The following IGF1 variants were observed in gnomAD, a reference collection of about 807,000 sequenced individuals.
IGF1 encodes insulin like growth factor 1, also known as insulin-like growth factor 1.
IGF1 carries 4 observed loss-of-function variants against 13.8 expected under a neutral mutation model. The observed-to-expected ratio is 0.29, with a 90% CI of 0.14 to 0.66. The LOEUF is 0.66. Ranked by LOEUF, IGF1 falls within the 30% of genes least tolerant of loss-of-function variation. The probability of loss-of-function intolerance (pLI) is 0.78; values close to 1 mark genes in which losing one functional copy is unlikely to be tolerated. For missense variants in IGF1, 124 were observed against 188.5 expected, an observed-to-expected ratio of 0.66 and a Z score of 2.00; for synonymous variants, 76 against 72.6, an observed-to-expected ratio of 1.05 and a Z score of -0.23.
chr12:102,475,615 C>G lies in IGF1; in HGVS notation c.220+28G>C, dbSNP rs368847888. Reference sequence around the variant, plus strand: ...CAGAGCTGTACACTTTAGACTTGAGCAGCACATTGAGAGGGAGGGCTACTT... The same window carrying G: ...CAGAGCTGTACACTTTAGACTTGAGGAGCACATTGAGAGGGAGGGCTACTT... On this transcript the variant is annotated intron_variant, in intron 2 of 3. Coordinates refer to ENST00000337514, the MANE Select transcript of IGF1 (RefSeq NM_000618.5). 2.6e-4 allele frequency: 422 copies of G among 1,613,094 alleles called. 1 individual carries two copies. In the African/African-American group the frequency reaches 3.1e-3, roughly 12 times the overall value.
intron 2 of IGF1, among the ~76,000 whole-genome samples, chr12:102,455,251 A>C (rs965164016): frequency 6.6e-5 from 10 of 152,260 alleles, no homozygotes; most frequent in Non-Finnish European, 1.3e-4. Flanking sequence ...CAGCAAGTGC[A>C]GTTAACAAAG....
intron 2 of IGF1, among the ~76,000 whole-genome samples, chr12:102,437,411 C>A (rs1877343126): frequency 1.3e-5 from 2 of 152,254 alleles, no homozygotes; most frequent in South Asian, 4.1e-4. Context: ...TGATTTTTCA[C>A]TCTGTTAATT....
chr12:102,407,917 A>G (rs1048547067), intron 3 of IGF1, among the ~76,000 whole-genome samples: 1 of 152,138 alleles, frequency 6.6e-6, no homozygotes, highest in African/African-American at 2.4e-5. Flanking sequence ...TGCCTGAGAG[A>G]TAGAATCTAA....
intron 1 of IGF1, chr12:102,478,585 A>G (rs756001141): frequency 4.5e-6 from 7 of 1,572,388 alleles, no homozygotes; most frequent in Non-Finnish European, 6.0e-6. Context: ...TCTTAAAAAC[A>G]TGTGCTGCTT....
At chr12:102,425,125 TA>T (rs1369492947) in intron 2 of IGF1, among the ~76,000 whole-genome samples, 1 of 152,208 alleles carries the variant, frequency 6.6e-6, no homozygotes, top group East Asian at 1.9e-4. Flanking sequence ...TTAGGATTTT[TA>T]AAAAAGATTT....
intron 2 of IGF1, among the ~76,000 whole-genome samples, chr12:102,460,741 G>T (rs1382398738): frequency 1.3e-5 from 2 of 152,168 alleles, no homozygotes; most frequent in Non-Finnish European, 2.9e-5. Flanking sequence ...AATTCAATGG[G>T]TAGAGTGCCA....
In IGF1 at chr12:102,398,701, G is replaced by A. The variant is rs1873428716; in HGVS notation, c.*3806C>T. 1 of 152,130 alleles carries A rather than the reference G, an allele frequency of 6.6e-6. No individual in the cohort carries two copies. The highest frequency in any genetic ancestry group is 1.5e-5 in the Non-Finnish European group (1 of 68,028). The allele number at this position is 152,130 out of a possible 1,614,324, so 9.4% of individuals were successfully genotyped here. On this transcript the variant is annotated 3_prime_UTR_variant, in exon 4 of 4. Coordinates refer to ENST00000337514, the MANE Select transcript of IGF1 (RefSeq NM_000618.5). ...AAAAGTTGAAAGGTGGTGGTGGCTA[G>A]ATAGACCTAATGCTATTTTATTAAG...
At chr12:102,457,429 G>T (rs1471164338) in intron 2 of IGF1, among the ~76,000 whole-genome samples, 3 of 152,104 alleles carry the variant, frequency 2.0e-5, no homozygotes, top group Non-Finnish European at 4.4e-5. Flanking sequence ...GGAAAGACTG[G>T]CCTGGCAGCT....
At chr12:102,444,389 A>G (rs953301948) in intron 2 of IGF1, among the ~76,000 whole-genome samples, 1 of 152,028 alleles carries the variant, frequency 6.6e-6, no homozygotes, top group Non-Finnish European at 1.5e-5. Flanking sequence ...TTGTATTGAC[A>G]ATACTAGACT....
At chr12:102,453,993 G>A (rs908956686) in intron 2 of IGF1, among the ~76,000 whole-genome samples, 7 of 152,204 alleles carry the variant, frequency 4.6e-5, no homozygotes, top group African/African-American at 1.7e-4. Flanking sequence ...AGCTTGGAAA[G>A]TGCTAGCTAT....
intron 2 of IGF1, among the ~76,000 whole-genome samples, chr12:102,445,326 G>T (rs1161413183): frequency 6.6e-6 from 1 of 152,148 alleles, no homozygotes; most frequent in East Asian, 1.9e-4. Flanking sequence ...ATTACTTTGG[G>T]CAGTATGGCA....
chr12:102,433,378 C>T (rs756559664), intron 2 of IGF1, among the ~76,000 whole-genome samples: 1 of 152,188 alleles, frequency 6.6e-6, no homozygotes, highest in Non-Finnish European at 1.5e-5. Context: ...TTAAAGGAAA[C>T]TGCAATGCAG....
At chr12:102,441,909 T>G (rs10860866) in intron 2 of IGF1, among the ~76,000 whole-genome samples, 1,129 of 19,388 alleles carry the variant, frequency 0.058, 43 homozygotes, top group Middle Eastern at 0.17. Flanking sequence ...TTACACTGCT[T>G]CTTCTCCTTC....
chr12:102,413,762 T>G (rs1301202284), intron 3 of IGF1, among the ~76,000 whole-genome samples: 4 of 152,208 alleles, frequency 2.6e-5, no homozygotes, highest in Non-Finnish European at 5.9e-5. Flanking sequence ...GTATTACACT[T>G]AATTTTAACT....
At chr12:102,478,642 G>A in intron 1 of IGF1, 1 of 1,445,840 alleles carries the variant, frequency 6.9e-7, no homozygotes, top group Non-Finnish European at 9.2e-7. Context: ...GGACACCCAG[G>A]CAGGTATGCT....
chr12:102,428,236 G>GTATGTATATATATATA lies in IGF1; in HGVS notation c.221-8547_221-8546insTATATATATATACATA, dbSNP rs1555241571. Among the ~76,000 whole-genome samples the GTATGTATATATATATA allele has an allele frequency of 2.9e-5, 2 of 69,478 alleles. 1 individual carries two copies. Among genetic ancestry groups the GTATGTATATATATATA allele is most frequent in the Admixed American group, 4.0e-4 (2 of 4,980 alleles). 45.6% of individuals were successfully genotyped at this position (69,478 alleles called of 152,430 possible). On this transcript the variant is annotated intron_variant, in intron 2 of 3. Coordinates refer to ENST00000337514, the MANE Select transcript of IGF1 (RefSeq NM_000618.5). ...CGACCCACTTTGTAATCAATAATGT[G>GTATGTATATATATATA]TATATATATATATGGCATATTAATG...
rs920759124 is a variant in IGF1, at chr12:102,402,373, T to C, written c.*134A>G. ...TTGGAATGTTTACTTGTGTATTTCA[T>C]TGGGGGAAACGCCCATCTTTTAAAT... On this transcript the variant is annotated 3_prime_UTR_variant, in exon 4 of 4. Transcript: ENST00000337514. 39 of 767,630 alleles carry C rather than the reference T, an allele frequency of 5.1e-5. No homozygotes were observed. Among genetic ancestry groups the C allele is most frequent in the Non-Finnish European group, 7.5e-5 (31 of 411,544 alleles). The allele number at this position is 767,630 out of a possible 1,614,324, so 47.6% of individuals were successfully genotyped here. A position where few individuals can be genotyped will look rare whatever the true frequency, so the allele number is the denominator to read the frequency against.
intron 2 of IGF1, among the ~76,000 whole-genome samples, chr12:102,446,822 C>G (rs920709725): frequency 6.6e-6 from 1 of 152,078 alleles, no homozygotes; most frequent in African/African-American, 2.4e-5. Flanking sequence ...GTTCAGGTGT[C>G]GATTTTAGAT....
Position 102,457,332 on chromosome 12 carries a change from T to C in IGF1, c.220+18311A>G, listed in dbSNP as rs74953587. ...TGCCCATGTTATCTGCATCAAATCC[T>C]ATCTGGACCGGGGGATACAGAGGAT... is the stretch of plus-strand genomic sequence containing the variant. On this transcript the variant is annotated intron_variant, in intron 2 of 3. Coordinates refer to ENST00000337514, the MANE Select transcript of IGF1 (RefSeq NM_000618.5). 9.1e-4 allele frequency among the ~76,000 whole-genome samples: 139 copies of C among 152,326 alleles called. 1 individual carries two copies. The highest frequency in any genetic ancestry group is 3.3e-3 in the African/African-American group (137 of 41,568).
Sources: allele counts gnomAD v4.1 joint callset (sites outside exome capture counted in the v4.1 genomes callset), GRCh38; gene constraint gnomAD v4.1.1; transcripts MANE v1.5; gene names NCBI Gene and HGNC (gene_info 2026-07-23, HGNC 2026-07-21).